The following GPHN variants were observed in gnomAD, a reference collection of about 807,000 sequenced individuals.
The protein encoded by GPHN is gephyrin.
In GPHN, 17 loss-of-function variants were observed where a neutral mutation model predicts 95.5. That is an observed-to-expected ratio of 0.18 (90% CI 0.12 to 0.27). The LOEUF (loss-of-function observed/expected upper bound fraction) is 0.27. GPHN is among the 10% of genes least tolerant of loss of function. The probability of loss-of-function intolerance (pLI) is 1.00; values close to 1 mark genes in which losing one functional copy is unlikely to be tolerated. For missense variants in GPHN, 660 were observed against 978.1 expected (o/e 0.67, Z 4.34); for synonymous variants, 320 against 322.5 (o/e 0.99, Z 0.08).
chr14:67,029,754 T>G (rs2074099375), intron 10 of GPHN, among the ~76,000 whole-genome samples: 1 of 152,212 alleles, frequency 6.6e-6, no homozygotes, highest in Non-Finnish European at 1.5e-5. Flanking sequence ...TTACGTAAAT[T>G]TATCAGATAA....
At chr14:67,663,819 T>A in the GPHN span, among the ~76,000 whole-genome samples, 1 of 152,132 alleles carries the variant, frequency 6.6e-6, no homozygotes, top group Non-Finnish European at 1.5e-5. Flanking sequence ...TTCTGGTTAG[T>A]CAGCGGGGTG....
At position 67,181,346 on chromosome 14, in the gene GPHN, T is replaced by C. The variant is rs145462384; in HGVS notation, c.*409T>C. ...TAGGCAACACTTGGATTTCCCTTCTTAGTATGCTTCATAACTGCTTTACAG... is the reference window on the plus strand; with the variant it reads ...TAGGCAACACTTGGATTTCCCTTCTCAGTATGCTTCATAACTGCTTTACAG... On this transcript the variant is annotated 3_prime_UTR_variant, in exon 23 of 23. Coordinates refer to ENST00000478722, the MANE Select transcript of GPHN (RefSeq NM_020806.5). 3.2e-5 allele frequency: 14 copies of C among 433,894 alleles called. No homozygotes were observed. In the Middle Eastern group the frequency reaches 1.7e-3, roughly 51 times the overall value. The allele number at this position is 433,894 out of a possible 1,614,324, so 26.9% of individuals were successfully genotyped here.
intron 3 of GPHN, among the ~76,000 whole-genome samples, chr14:66,783,872 G>A (rs2059685372): frequency 6.6e-6 from 1 of 152,144 alleles, no homozygotes; most frequent in African/African-American, 2.4e-5. Context: ...GAACATACAT[G>A]TCCATAAGGC....
At chr14:66,744,547 A>T (rs2058065580) in intron 2 of GPHN, among the ~76,000 whole-genome samples, 1 of 152,202 alleles carries the variant, frequency 6.6e-6, no homozygotes, top group African/African-American at 2.4e-5. Context: ...TATCTAATAC[A>T]TTTTGCATTT....
chr14:67,545,655 G>A, the GPHN span, among the ~76,000 whole-genome samples: 1 of 152,156 alleles, frequency 6.6e-6, no homozygotes, highest in South Asian at 2.1e-4. Context: ...CATTCTAAAT[G>A]TCCATCAACA....
chr14:67,225,798 T>C, the GPHN span, among the ~76,000 whole-genome samples: 8 of 152,162 alleles, frequency 5.3e-5, no homozygotes, highest in African/African-American at 1.7e-4. Flanking sequence ...AGCTCTGCAG[T>C]GCGTTGCTGA....
chr14:67,317,152 T>C, the GPHN span, among the ~76,000 whole-genome samples: 3 of 152,226 alleles, frequency 2.0e-5, no homozygotes, highest in African/African-American at 7.2e-5. Context: ...AACAGTGTAA[T>C]AAGTATTTAT....
the GPHN span, chr14:67,587,307 T>C: frequency 3.2e-6 from 5 of 1,558,700 alleles, no homozygotes; most frequent in Admixed American, 3.3e-5. Context: ...TAGGGTATGA[T>C]ACTACTGTGA....
At chr14:67,137,114 G>A (rs549839795) in intron 17 of GPHN, among the ~76,000 whole-genome samples, 2 of 151,672 alleles carry the variant, frequency 1.3e-5, no homozygotes, top group African/African-American at 2.4e-5. Flanking sequence ...TAGAGGTAGC[G>A]CCATGCACTC....
chr14:67,351,770 C>T, the GPHN span, among the ~76,000 whole-genome samples: 10 of 152,188 alleles, frequency 6.6e-5, no homozygotes, highest in African/African-American at 2.4e-4. Flanking sequence ...ATCCTCCCAC[C>T]TCGGCCTCCC....
At chr14:67,620,888 T>A in the GPHN span, 4 of 1,613,988 alleles carry the variant, frequency 2.5e-6, no homozygotes. Flanking sequence ...TTTGTGTGAC[T>A]GACAGAAAAG....
chr14:66,940,016 G>C (rs1406587555), intron 8 of GPHN, among the ~76,000 whole-genome samples: 1 of 152,106 alleles, frequency 6.6e-6, no homozygotes, highest in Non-Finnish European at 1.5e-5. Flanking sequence ...CAGGGAGAAG[G>C]GGGACCAAAA....
the GPHN span, among the ~76,000 whole-genome samples, chr14:67,355,436 T>A: frequency 3.8e-5 from 2 of 53,250 alleles, no homozygotes; most frequent in South Asian, 6.0e-4. Context: ...GATGTAGAAG[T>A]AAGACCCTGT....
At chr14:66,980,684 A>C (rs186196690) in intron 9 of GPHN, among the ~76,000 whole-genome samples, 152 of 152,306 alleles carry the variant, frequency 1.0e-3, no homozygotes, top group South Asian at 1.9e-3. Context: ...GATCAAAATT[A>C]TAAATGTGTA....
chr14:67,149,460 T>G (rs2081115126), intron 18 of GPHN, among the ~76,000 whole-genome samples: 1 of 152,222 alleles, frequency 6.6e-6, no homozygotes, highest in African/African-American at 2.4e-5. Flanking sequence ...ATAGTAAATA[T>G]CCATAGCTAT....
chr14:66,930,583 T>C (rs774363514), intron 8 of GPHN, among the ~76,000 whole-genome samples: 2 of 150,494 alleles, frequency 1.3e-5, no homozygotes, highest in African/African-American at 2.4e-5. Flanking sequence ...TGGAGTGTAA[T>C]GGTATAATCA....
At chr14:67,688,998 A>G in the GPHN span, among the ~76,000 whole-genome samples, 26 of 152,218 alleles carry the variant, frequency 1.7e-4, no homozygotes, top group Non-Finnish European at 2.9e-4. Context: ...TTACTGCACC[A>G]TAATGATTTT....
At chr14:66,565,678 T>C (rs1178524658) in intron 1 of GPHN, among the ~76,000 whole-genome samples, 1 of 152,206 alleles carries the variant, frequency 6.6e-6, no homozygotes, top group Non-Finnish European at 1.5e-5. Flanking sequence ...AAGGATTATA[T>C]AAAGTGATAA....
In GPHN at chr14:66,975,646, A is replaced by C. The variant is rs978272557; in HGVS notation, c.963+10321A>C. ...TATAATCCCAGCACTTTGGGAGGCC[A>C]AGGAGGGAGGATCACTGAAGCCCAG... On this transcript the variant is annotated intron_variant, in intron 9 of 22. Coordinates refer to ENST00000478722, the MANE Select transcript of GPHN (RefSeq NM_020806.5). Among the ~76,000 whole-genome samples the C allele has an allele frequency of 7.9e-5, 12 of 152,150 alleles. No individual in the cohort carries two copies. The East Asian group carries it at 2.3e-3, about 29-fold the overall frequency.
Sources: gnomAD v4.1 joint callset for allele counts (sites outside exome capture counted in the v4.1 genomes callset) on GRCh38, gnomAD v4.1.1 for gene constraint, MANE v1.5 for transcripts, NCBI Gene and HGNC (gene_info 2026-07-23, HGNC 2026-07-21) for gene names.